SBF2: variants seen among roughly 807,000 people sequenced by gnomAD.
SBF2 encodes the protein myotubularin-related protein 13.
SBF2 carries 112 observed loss-of-function variants against 225.2 expected under a neutral mutation model. The observed-to-expected ratio is 0.50, with a 90% CI of 0.43 to 0.58. The LOEUF (loss-of-function observed/expected upper bound fraction) is 0.58. Among genes scored for constraint, SBF2 ranks in the 20% least tolerant of loss-of-function variants. SBF2 has a pLI of 0.00. For synonymous variants in SBF2, 763 were observed against 773.3 expected, an observed-to-expected ratio of 0.99 and a Z score of 0.22; for missense variants, 1,996 against 2,206.2, an observed-to-expected ratio of 0.90 and a Z score of 1.91.
rs138890977 is a variant in SBF2, at chr11:10,183,638, T to C, written c.141+10264A>G. Among the ~76,000 whole-genome samples the C allele has an allele frequency of 3.3e-5, 5 of 152,358 alleles. 1 individual carries two copies. The South Asian group carries it at 6.2e-4, about 19-fold the overall frequency. ...ATTTTTTTCCTAAATGGATATCCAG[T>C]TGTTCTAGCACCATTTGGGCTTATC... On this transcript the variant is annotated intron_variant, in intron 2 of 39. Transcript: ENST00000256190.
At chr11:9,888,072 G>A (rs183155417) in intron 17 of SBF2, among the ~76,000 whole-genome samples, 7 of 152,012 alleles carry the variant, frequency 4.6e-5, no homozygotes, top group Non-Finnish European at 1.0e-4. Context: ...ACAAACTCTC[G>A]TATCTATAGA....
intron 2 of SBF2, among the ~76,000 whole-genome samples, chr11:10,114,733 C>T (rs927157998): frequency 7.2e-5 from 11 of 152,160 alleles, no homozygotes; most frequent in African/African-American, 2.7e-4. Flanking sequence ...TCCCATTGTC[C>T]TTTTTGTCTA....
At chr11:10,036,502 T>C (rs753627247) in intron 3 of SBF2, among the ~76,000 whole-genome samples, 10 of 152,178 alleles carry the variant, frequency 6.6e-5, no homozygotes, top group Non-Finnish European at 1.3e-4. Context: ...ATGAACAATA[T>C]TAAAATATAT....
intron 2 of SBF2, among the ~76,000 whole-genome samples, chr11:10,173,356 A>G (rs977581282): frequency 3.9e-5 from 6 of 152,348 alleles, no homozygotes; most frequent in African/African-American, 1.2e-4. Flanking sequence ...GGGAAGCGCA[A>G]GGGGTCAGGG....
At chr11:10,270,719 C>A (rs182257788) in intron 1 of SBF2, among the ~76,000 whole-genome samples, 19 of 152,164 alleles carry the variant, frequency 1.2e-4, no homozygotes, top group African/African-American at 4.6e-4. Flanking sequence ...TGAGGACGGG[C>A]GCGGTGGCTC....
chr11:10,199,370 A>G (rs991323289), intron 1 of SBF2, among the ~76,000 whole-genome samples: 3 of 152,264 alleles, frequency 2.0e-5, no homozygotes, highest in Admixed American at 2.0e-4. Context: ...ATATCACCAA[A>G]ATACATATAA....
chr11:10,167,643 A>T (rs1956020922), intron 2 of SBF2, among the ~76,000 whole-genome samples: 1 of 150,896 alleles, frequency 6.6e-6, no homozygotes, highest in Admixed American at 6.7e-5. Flanking sequence ...GAAAAATGCT[A>T]AAAGCTATTT....
chr11:10,132,656 G>A (rs1263448638), intron 2 of SBF2, among the ~76,000 whole-genome samples: 1 of 149,052 alleles, frequency 6.7e-6, no homozygotes, highest in African/African-American at 2.5e-5. Flanking sequence ...TGGACCCAAA[G>A]AGTGAGCAGT....
At chr11:9,790,949 C>T (rs757481486) in intron 33 of SBF2, 26 of 322,020 alleles carry the variant, frequency 8.1e-5, no homozygotes, top group Non-Finnish European at 1.2e-4. Flanking sequence ...CTCTTCCAAC[C>T]CTCATCCTGC....
chr11:10,195,760 C>T (rs1337067238), intron 1 of SBF2, among the ~76,000 whole-genome samples: 4 of 152,138 alleles, frequency 2.6e-5, no homozygotes, highest in African/African-American at 9.7e-5. Context: ...AACCAAAATC[C>T]ATTTGAAAAA....
At chr11:9,781,334 T>C (rs185908199) in intron 39 of SBF2, among the ~76,000 whole-genome samples, 173 bp downstream of exon 39, 35 of 152,334 alleles carry the variant, frequency 2.3e-4, no homozygotes, top group African/African-American at 8.2e-4. Context: ...GAAGAGAGGA[T>C]AGCCTTGGGG....
chr11:9,888,890 A>T (rs1303336841), intron 17 of SBF2, among the ~76,000 whole-genome samples: 2 of 152,154 alleles, frequency 1.3e-5, no homozygotes, highest in Non-Finnish European at 2.9e-5. Flanking sequence ...ATGGAATAAA[A>T]TTTCACTGGG....
chr11:10,093,064 TG>T (rs1951848738), intron 2 of SBF2, among the ~76,000 whole-genome samples: 1 of 151,806 alleles, frequency 6.6e-6, no homozygotes, highest in East Asian at 1.9e-4. Flanking sequence ...TTACCCAGGC[TG>T]GAGGGCAGTG....
At chr11:10,231,268 A>G (rs1173297339) in intron 1 of SBF2, among the ~76,000 whole-genome samples, 1 of 151,906 alleles carries the variant, frequency 6.6e-6, no homozygotes, top group Non-Finnish European at 1.5e-5. Flanking sequence ...TTTCTCCTCT[A>G]CCTCGGAGCA....
intron 26 of SBF2, 118 bp from the exon 27 acceptor site, chr11:9,832,538 CAT>C: frequency 1.4e-6 from 1 of 719,452 alleles, no homozygotes; most frequent in Admixed American, 2.1e-5. Context: ...ATACTAATAT[CAT>C]AGTAATTTTC....
intron 2 of SBF2, among the ~76,000 whole-genome samples, chr11:10,063,263 C>A (rs1950509663): frequency 6.6e-6 from 1 of 151,614 alleles, no homozygotes; most frequent in Non-Finnish European, 1.5e-5. Flanking sequence ...GTACAACAAA[C>A]CCCCGACACA....
At chr11:10,198,338 T>C (rs77589950) in intron 1 of SBF2, among the ~76,000 whole-genome samples, 4,371 of 152,296 alleles carry the variant, frequency 0.029, 85 homozygotes, top group Non-Finnish European at 0.045. Flanking sequence ...TGTTACCAGG[T>C]GCACTGTCAA....
intron 2 of SBF2, among the ~76,000 whole-genome samples, chr11:10,178,552 T>C (rs1956575386): frequency 6.7e-6 from 1 of 149,544 alleles, no homozygotes; most frequent in Non-Finnish European, 1.5e-5. Context: ...CAGACACTTC[T>C]CAAAAGAAGA....
chr11:9,977,318 TA>T (rs1946741002), intron 13 of SBF2, among the ~76,000 whole-genome samples: 1 of 151,778 alleles, frequency 6.6e-6, no homozygotes. Context: ...ACCCTATCTC[TA>T]CAAAAAAATT....
Sources: allele counts gnomAD v4.1 joint callset (sites outside exome capture counted in the v4.1 genomes callset), GRCh38; gene constraint gnomAD v4.1.1; transcripts MANE v1.5; gene names NCBI Gene and HGNC (gene_info 2026-07-23, HGNC 2026-07-21).